UGDH: variants seen among roughly 807,000 people sequenced by gnomAD.
UGDH encodes UDP-glucose 6-dehydrogenase, also known as UDP-Glc dehydrogenase.
In UGDH, 38 loss-of-function variants were observed where a neutral mutation model predicts 50.6. That is an observed-to-expected ratio of 0.75 (90% CI 0.58 to 0.98). UGDH has a LOEUF of 0.98. Ranked by LOEUF, UGDH falls within the 50% of genes least tolerant of loss-of-function variation. UGDH has a pLI of 0.00. For synonymous variants in UGDH, 168 were observed against 199.9 expected (o/e 0.84, Z 1.35); for missense variants, 465 against 606.2 (o/e 0.77, Z 2.45).
intron 2 of UGDH, among the ~76,000 whole-genome samples, chr4:39,520,757 G>C (rs1254312281): frequency 6.6e-6 from 1 of 151,544 alleles, no homozygotes; most frequent in East Asian, 1.9e-4. Flanking sequence ...ATATGGTAAT[G>C]ATACTAACAG....
At chr4:39,524,798 C>T (rs939459212) in intron 1 of UGDH, among the ~76,000 whole-genome samples, 12 of 152,124 alleles carry the variant, frequency 7.9e-5, no homozygotes, top group African/African-American at 2.7e-4. Context: ...TGTGAGCCAT[C>T]GCATCTGGCC....
chr4:39,527,151 G>A (rs911457445), intron 1 of UGDH, 132 bp downstream of exon 1: 1 of 1,283,628 alleles, frequency 7.8e-7, no homozygotes, highest in Non-Finnish European at 1.0e-6. Context: ...GTCGTGAGAC[G>A]GGAAGCCCGG....
intron 7 of UGDH, among the ~76,000 whole-genome samples, chr4:39,506,040 G>A (rs558555043): frequency 6.6e-5 from 10 of 152,022 alleles, no homozygotes; most frequent in Non-Finnish European, 1.5e-4. Flanking sequence ...AGACCAGCCT[G>A]GGCACCACGG....
intron 7 of UGDH, among the ~76,000 whole-genome samples, chr4:39,507,935 C>A (rs943812559): frequency 2.6e-5 from 3 of 117,206 alleles, no homozygotes; most frequent in East Asian, 2.5e-4. Flanking sequence ...AAAGTGAGAT[C>A]TTGTCTCAAA....
intron 1 of UGDH, among the ~76,000 whole-genome samples, chr4:39,523,736 G>A (rs575268436): frequency 7.2e-5 from 11 of 151,868 alleles, no homozygotes; most frequent in Admixed American, 4.6e-4. Context: ...CCCGGGAGGC[G>A]GAGGTTGCAG....
At position 39,510,337 on chromosome 4, in the gene UGDH, A is replaced by T. The variant is rs1449402377; in HGVS notation, c.663+16T>A. ...TTGGCTTTAATTTAATGAAGAGTTGAATGCTATATACTAACCAGTTTGGAA... is the reference window on the plus strand; with the variant it reads ...TTGGCTTTAATTTAATGAAGAGTTGTATGCTATATACTAACCAGTTTGGAA... On this transcript the variant is annotated intron_variant, in intron 5 of 11. Transcript: ENST00000316423. The T allele has an allele frequency of 6.2e-7, 1 of 1,611,956 alleles. No homozygotes were observed. Among genetic ancestry groups the T allele is most frequent in the African/African-American group, 1.3e-5 (1 of 74,982 alleles).
chr4:39,515,588 A>C (rs1419567645), intron 2 of UGDH, among the ~76,000 whole-genome samples: 1 of 152,172 alleles, frequency 6.6e-6, no homozygotes, highest in Non-Finnish European at 1.5e-5. Context: ...CTTATAAAAA[A>C]AAAATCAAGC....
At chr4:39,501,412 C>T (rs965244652) in intron 11 of UGDH, among the ~76,000 whole-genome samples, 1 of 151,854 alleles carries the variant, frequency 6.6e-6, no homozygotes, top group Admixed American at 6.6e-5. Context: ...CAGCTGGGAC[C>T]ACAGGTGCCT....
At chr4:39,523,668 G>A (rs1746760382) in intron 1 of UGDH, among the ~76,000 whole-genome samples, 1 of 152,062 alleles carries the variant, frequency 6.6e-6, no homozygotes, top group South Asian at 2.1e-4. Flanking sequence ...GCGGGGCATG[G>A]TGGCACATGT....
intron 1 of UGDH, among the ~76,000 whole-genome samples, chr4:39,523,806 CAAA>C (rs35858120): frequency 4.7e-5 from 4 of 84,826 alleles, no homozygotes; most frequent in East Asian, 2.8e-4. Flanking sequence ...AACTCCATCT[CAAA>C]AAAAAAAAAA....
intron 1 of UGDH, among the ~76,000 whole-genome samples, chr4:39,524,256 C>T (rs957012730): frequency 1.3e-5 from 2 of 152,138 alleles, no homozygotes; most frequent in Admixed American, 6.6e-5. Flanking sequence ...AGTGTCTACT[C>T]GTTGCAGCTC....
intron 2 of UGDH, among the ~76,000 whole-genome samples, chr4:39,514,421 GGT>G: frequency 6.6e-6 from 1 of 151,836 alleles, no homozygotes; most frequent in East Asian, 1.9e-4. Context: ...GGAGTGCAGT[GGT>G]GCAATCTCAG....
At chr4:39,513,167 C>T (rs1746306974) in intron 3 of UGDH, among the ~76,000 whole-genome samples, 2 of 152,268 alleles carry the variant, frequency 1.3e-5, no homozygotes, top group African/African-American at 4.8e-5. Flanking sequence ...ATAGCTATAT[C>T]ATTACATACA....
intron 3 of UGDH, among the ~76,000 whole-genome samples, chr4:39,511,085 T>C (rs1206634280): frequency 6.6e-6 from 1 of 152,178 alleles, no homozygotes; most frequent in African/African-American, 2.4e-5. Flanking sequence ...AGGAAGCTAC[T>C]ATCTATATGC....
In UGDH at chr4:39,502,296, T is replaced by C. The variant is rs145413761; in HGVS notation, c.1374+1579A>G. ...TCCCCAAGGTCTTGGATGGAAGAGT[T>C]CACAGACAAGGATGCCATTTGATTC... On this transcript the variant is annotated intron_variant, in intron 11 of 11. Transcript: ENST00000316423. Among the ~76,000 whole-genome samples the C allele has an allele frequency of 6.0e-3, 909 of 152,322 alleles. 21 individuals are homozygous for C. The highest frequency in any genetic ancestry group is 0.053 in the Admixed American group (803 of 15,292).
chr4:39,519,714 A>AT (rs1396038637), intron 2 of UGDH, among the ~76,000 whole-genome samples: 6 of 151,650 alleles, frequency 4.0e-5, no homozygotes, highest in Non-Finnish European at 8.8e-5. Context: ...AATTTTTTGT[A>AT]TTTTTAGTAG....
intron 7 of UGDH, 55 bp downstream of exon 7, chr4:39,508,510 AG>A: frequency 6.5e-7 from 1 of 1,527,072 alleles, no homozygotes; most frequent in Non-Finnish European, 9.0e-7. Flanking sequence ...CTGCGATTAC[AG>A]GTGTGAACCA....
chr4:39,505,775 T>C (rs759861808), intron 7 of UGDH, 27 bp from the exon 8 acceptor site: 2 of 1,582,732 alleles, frequency 1.3e-6, no homozygotes, highest in South Asian at 1.2e-5. Flanking sequence ...AATTGTGCAA[T>C]GATTAGTTAA....
chr4:39,501,734 G>T (rs1448247627), intron 11 of UGDH, among the ~76,000 whole-genome samples: 1 of 152,136 alleles, frequency 6.6e-6, no homozygotes, highest in Non-Finnish European at 1.5e-5. Flanking sequence ...ATTAAATTAG[G>T]TAAAGTGCTT....
Sources: gnomAD v4.1 joint callset for allele counts (sites outside exome capture counted in the v4.1 genomes callset) on GRCh38, gnomAD v4.1.1 for gene constraint, MANE v1.5 for transcripts, NCBI Gene and HGNC (gene_info 2026-07-23, HGNC 2026-07-21) for gene names.